The following ZNF292 variants were observed in gnomAD, a reference collection of about 807,000 sequenced individuals.
ZNF292 encodes the protein zinc finger protein 292, also known as 16 zinc-finger domain protein.
Under a neutral mutation model 217.9 loss-of-function variants are expected in ZNF292, and 26 were observed. The ratio of observed to expected loss-of-function variants is 0.12; its 90% CI spans 0.09 to 0.17. ZNF292 has a LOEUF of 0.17. Among genes scored for constraint, ZNF292 ranks in the 10% least tolerant of loss-of-function variants. The pLI is 1.00. For synonymous variants in ZNF292, 1,257 were observed against 1,124.1 expected (o/e 1.12, Z -2.37); for missense variants, 2,904 against 3,175.2 (o/e 0.91, Z 2.05).
In ZNF292 at chr6:87,215,895, C is replaced by T; in HGVS notation, c.169-8C>T. 3 of 1,570,100 alleles carry T rather than the reference C, an allele frequency of 1.9e-6. No homozygotes were observed. The highest frequency in any genetic ancestry group is 1.7e-6 in the Non-Finnish European group (2 of 1,163,462). ...TTTGAATACTTTTTATTATTCCTTC[C>T]AAAACAGACACTCCTAGAATATGCA... On this transcript the variant is annotated splice_region_variant and splice_polypyrimidine_tract_variant and intron_variant, in intron 1 of 7. Coordinates refer to ENST00000369577, the MANE Select transcript of ZNF292 (RefSeq NM_015021.3).
At chr6:87,239,391 GGGGCTGGCCCCCA>G (rs1405123907) in intron 5 of ZNF292, among the ~76,000 whole-genome samples, 9 of 67,380 alleles carry the variant, frequency 1.3e-4, no homozygotes, top group Non-Finnish European at 3.0e-4. Flanking sequence ...TGGCGGGCCG[GGGGCTGGCCCCCA>G]CCTCCCTCCC....
rs547062766 is a variant in ZNF292 at position 87,169,146 on chromosome 6, G to A, written c.168+13387G>A. 5.2e-4 allele frequency among the ~76,000 whole-genome samples: 79 copies of A among 152,074 alleles called. 1 individual carries two copies. The highest frequency in any genetic ancestry group is 1.8e-3 in the Admixed American group (27 of 15,268). ...CAGCCTCCGCCTCCCGGGTTCAAGCGATTCTTGTGACTCAGCCTGCCGAGC... is the reference window on the plus strand; with the variant it reads ...CAGCCTCCGCCTCCCGGGTTCAAGCAATTCTTGTGACTCAGCCTGCCGAGC... On this transcript the variant is annotated intron_variant, in intron 1 of 7. Transcript: ENST00000369577.
intron 1 of ZNF292, among the ~76,000 whole-genome samples, chr6:87,158,903 G>A (rs114899273): frequency 3.3e-4 from 50 of 152,202 alleles, no homozygotes; most frequent in African/African-American, 1.2e-3. Context: ...ATAGTCACAC[G>A]CTTCAAGAAG....
rs1240384385 is a variant in ZNF292, at chr6:87,213,709, G to A, written c.169-2194G>A. 1.3e-5 allele frequency: 2 copies of A among 152,280 alleles called. 1 individual carries two copies. Among genetic ancestry groups the A allele is most frequent in the South Asian group, 4.1e-4 (2 of 4,828 alleles). 9.4% of individuals were successfully genotyped at this position (152,280 alleles called of 1,614,324 possible). On this transcript the variant is annotated intron_variant, in intron 1 of 7. Coordinates refer to ENST00000369577, the MANE Select transcript of ZNF292 (RefSeq NM_015021.3). ...ATGTGAACTACTGATTAGGACTGGT[G>A]GGAAAGTTGTTTACTGAAACTTAGA...
At chr6:87,170,672 T>G (rs936447088) in intron 1 of ZNF292, among the ~76,000 whole-genome samples, 3 of 152,208 alleles carry the variant, frequency 2.0e-5, no homozygotes, top group African/African-American at 7.2e-5. Context: ...AAACCATCCT[T>G]TATAAATCTT....
At chr6:87,218,504 C>T in intron 3 of ZNF292, 92 bp from the exon 4 acceptor site, 1 of 1,043,330 alleles carries the variant, frequency 9.6e-7, no homozygotes, top group Non-Finnish European at 1.3e-6. Context: ...AGATGAAAGT[C>T]TTTTCAGAAG....
chr6:87,261,337 G>C lies in ZNF292; in HGVS notation c.7708G>C (p.Ala2570Pro). ...SVRKEEETAV[A>P]IQTIEEHPAS... ...GCGTAAAGAAGAAGAAACTGCTGTTGCCATTCAAACCATTGAGGAGCATCC... is the reference window on the plus strand; with the variant it reads ...GCGTAAAGAAGAAGAAACTGCTGTTCCCATTCAAACCATTGAGGAGCATCC... Residue 2570 changes from alanine (A) to proline (P), a missense_variant, in exon 8 of 8, where the codon GCC becomes CCC. This residue lies in a region of ZNF292 where 380 missense variants were observed against 355.3 expected (regional missense o/e 1.07). Transcript: ENST00000369577. 1 of 1,613,398 alleles carries C rather than the reference G, an allele frequency of 6.2e-7. No individual in the cohort carries two copies.
chr6:87,243,373 T>G, intron 5 of ZNF292, 102 bp from the exon 6 acceptor site: 1 of 1,010,928 alleles, frequency 9.9e-7, no homozygotes, highest in Non-Finnish European at 1.3e-6. Flanking sequence ...GGCATTTTAT[T>G]CATAAAAACT....
rs572311084 is a variant in ZNF292 at position 87,207,592 on chromosome 6, G to C, written c.169-8311G>C. On this transcript the variant is annotated intron_variant, in intron 1 of 7. Coordinates refer to ENST00000369577, the MANE Select transcript of ZNF292 (RefSeq NM_015021.3). The stretch of plus-strand genomic sequence containing the variant: ...TGTGACTGTCTACGTGGCCTAGTTT[G>C]TGTTCAGTTTTTGTAACTGTTTTAC... Among the ~76,000 whole-genome samples, 36 of 152,290 alleles carry C rather than the reference G, an allele frequency of 2.4e-4. 1 individual carries two copies. The highest frequency in any genetic ancestry group is 3.4e-3 in the Middle Eastern group (1 of 294).
rs762384042 is a variant in ZNF292 at position 87,257,338 on chromosome 6, A to T, written c.3709A>T (p.Thr1237Ser). ...LCSQMENLPS[T>S]ALPAQMEDLT... ...TTCCCAAATGGAAAATTTACCTAGTACTGCCTTGCCAGCACAAATGGAAGA... is the reference window on the plus strand; with the variant it reads ...TTCCCAAATGGAAAATTTACCTAGTTCTGCCTTGCCAGCACAAATGGAAGA... Residue 1237 changes from threonine to serine, a missense_variant, in exon 8 of 8, where the codon ACT becomes TCT. Thr to Ser is a moderately conservative substitution (Grantham distance 58). Transcript: ENST00000369577. 1.2e-6 allele frequency: 2 copies of T among 1,613,752 alleles called. No individual in the cohort carries two copies. The highest frequency in any genetic ancestry group is 8.5e-7 in the Non-Finnish European group (1 of 1,179,782).
chr6:87,250,918 A>G (rs1420903602), intron 7 of ZNF292, among the ~76,000 whole-genome samples: 1 of 152,244 alleles, frequency 6.6e-6, no homozygotes, highest in African/African-American at 2.4e-5. Context: ...GGGTCTTTCT[A>G]CTAGAGTGGA....
In ZNF292 at chr6:87,256,767, C is replaced by G; in HGVS notation, c.3138C>G (p.Ser1046=). ...QAAFQNNLPT[S]KFECGDNVKT... ...CATTTCAAAACAATTTACCAACTTC[C>G]AAATTTGAATGTGGAGATAATGTTA... The change falls in exon 8 of 8, where the codon TCC becomes TCG. Residue 1046 remains serine, a synonymous_variant. Transcript: ENST00000369577. The G allele has an allele frequency of 6.2e-7, 1 of 1,612,712 alleles. No individual in the cohort carries two copies. The highest frequency in any genetic ancestry group is 8.5e-7 in the Non-Finnish European group (1 of 1,179,776).
intron 1 of ZNF292, among the ~76,000 whole-genome samples, chr6:87,174,829 A>G (rs540668694): frequency 5.9e-5 from 9 of 152,344 alleles, no homozygotes; most frequent in East Asian, 3.9e-4. Flanking sequence ...CAGAGGAACA[A>G]TATTATCAAA....
intron 1 of ZNF292, among the ~76,000 whole-genome samples, chr6:87,182,399 G>A (rs1771497373): frequency 6.6e-6 from 1 of 152,110 alleles, no homozygotes; most frequent in Non-Finnish European, 1.5e-5. Context: ...TTCCTTTTGA[G>A]TAAATTAGCA....
At chr6:87,223,012 A>G (rs1242973993) in intron 4 of ZNF292, 2 of 263,462 alleles carry the variant, frequency 7.6e-6, no homozygotes, top group African/African-American at 2.2e-5. Flanking sequence ...CCATCACATT[A>G]TATAAAGGGT....
At chr6:87,237,988 T>G (rs565450809) in intron 5 of ZNF292, among the ~76,000 whole-genome samples, 65 of 152,300 alleles carry the variant, frequency 4.3e-4, no homozygotes, top group Non-Finnish European at 7.8e-4. Flanking sequence ...TGCATTCTAT[T>G]TAATGTCATA....
chr6:87,247,572 A>T (rs1774668815), intron 7 of ZNF292, among the ~76,000 whole-genome samples: 1 of 152,136 alleles, frequency 6.6e-6, no homozygotes, highest in Non-Finnish European at 1.5e-5. Context: ...GAAGGTGAGG[A>T]TGAATACCTA....
intron 4 of ZNF292, among the ~76,000 whole-genome samples, chr6:87,229,271 G>C (rs1471777691): frequency 6.6e-6 from 1 of 152,046 alleles, no homozygotes; most frequent in Non-Finnish European, 1.5e-5. Flanking sequence ...ATATCTTGCA[G>C]CTTTACCAAA....
At chr6:87,164,767 T>C (rs972284579) in intron 1 of ZNF292, among the ~76,000 whole-genome samples, 227 of 149,946 alleles carry the variant, frequency 1.5e-3, no homozygotes, top group African/African-American at 5.2e-3. Flanking sequence ...GACCTCTTTT[T>C]TTTTTTTTTT....
Sources: allele counts gnomAD v4.1 joint callset (sites outside exome capture counted in the v4.1 genomes callset), GRCh38; gene constraint gnomAD v4.1.1; regional missense constraint gnomAD v4.1.1; transcripts MANE v1.5; gene names NCBI Gene and HGNC (gene_info 2026-07-23, HGNC 2026-07-21).